The following NLGN1 variants were observed in gnomAD, a reference collection of about 807,000 sequenced individuals.
The protein encoded by NLGN1 is neuroligin-1.
Under a neutral mutation model 65.5 loss-of-function variants are expected in NLGN1, and 12 were observed. That is an observed-to-expected ratio of 0.18 (90% CI 0.12 to 0.30). The LOEUF (loss-of-function observed/expected upper bound fraction) is 0.30, where lower values mean the gene tolerates loss of function less well. Ranked by LOEUF, NLGN1 falls within the 10% of genes least tolerant of loss-of-function variation. The probability of loss-of-function intolerance (pLI) is 1.00; values close to 1 mark genes in which losing one functional copy is unlikely to be tolerated. For missense variants in NLGN1, 750 were observed against 1,007.1 expected (o/e 0.74, Z 3.46); for synonymous variants, 350 against 359.5 (o/e 0.97, Z 0.30).
chr3:174,209,414 A>T (rs1736025153), intron 4 of NLGN1, among the ~76,000 whole-genome samples: 1 of 152,118 alleles, frequency 6.6e-6, no homozygotes, highest in African/African-American at 2.4e-5. Flanking sequence ...TCGTTAGCAT[A>T]AAAATAATAT....
chr3:173,994,198 C>T (rs184633806), intron 4 of NLGN1, among the ~76,000 whole-genome samples: 14 of 152,172 alleles, frequency 9.2e-5, no homozygotes, highest in Non-Finnish European at 1.8e-4. Context: ...GCCTTGACCT[C>T]CCAGGCTCAA....
intron 4 of NLGN1, among the ~76,000 whole-genome samples, chr3:174,230,417 A>C (rs1324809002): frequency 6.6e-6 from 1 of 152,216 alleles, no homozygotes; most frequent in East Asian, 1.9e-4. Context: ...AGAGTAATAC[A>C]ATGGTATGTA....
At chr3:173,766,168 A>T (rs1778761452) in intron 3 of NLGN1, among the ~76,000 whole-genome samples, 1 of 150,138 alleles carries the variant, frequency 6.7e-6, no homozygotes, top group African/African-American at 2.5e-5. Context: ...GGCTCACTGC[A>T]ACCTCTGCCT....
intron 1 of NLGN1, among the ~76,000 whole-genome samples, chr3:173,402,783 G>A (rs975091164): frequency 5.3e-5 from 8 of 152,212 alleles, no homozygotes; most frequent in South Asian, 2.1e-4. Context: ...TTCCCTTTAT[G>A]CCTGAATGAC....
chr3:173,695,710 A>T (rs968149330), intron 3 of NLGN1: 1 of 182,962 alleles, frequency 5.5e-6, no homozygotes, highest in Non-Finnish European at 1.2e-5. Context: ...CATATCCACA[A>T]GCATAACTCA....
chr3:174,125,029 G>C (rs116869400), intron 4 of NLGN1, among the ~76,000 whole-genome samples: 1 of 151,984 alleles, frequency 6.6e-6, no homozygotes, highest in Admixed American at 6.6e-5. Context: ...AGAGTGCATG[G>C]AGAATGGCAT....
At chr3:173,418,226 A>G (rs902292428) in intron 1 of NLGN1, among the ~76,000 whole-genome samples, 3 of 151,604 alleles carry the variant, frequency 2.0e-5, no homozygotes, top group African/African-American at 4.8e-5. Context: ...ATTTTAAGAT[A>G]TAATTAGTAT....
the NLGN1 span, among the ~76,000 whole-genome samples, chr3:174,292,123 A>C: frequency 6.6e-6 from 1 of 151,274 alleles, no homozygotes; most frequent in Non-Finnish European, 1.5e-5. Flanking sequence ...TCTGAATCAG[A>C]GTAGAAGAGG....
At chr3:173,485,831 C>T (rs1278560285) in intron 2 of NLGN1, among the ~76,000 whole-genome samples, 2 of 151,990 alleles carry the variant, frequency 1.3e-5, no homozygotes, top group Admixed American at 1.3e-4. Context: ...CTGAAAATAA[C>T]AATATTTAGT....
At chr3:173,562,678 A>T (rs1007882926) in intron 2 of NLGN1, among the ~76,000 whole-genome samples, 2 of 152,168 alleles carry the variant, frequency 1.3e-5, no homozygotes, top group African/African-American at 4.8e-5. Context: ...TGATAATTCC[A>T]TAGTCTTCTT....
intron 2 of NLGN1, among the ~76,000 whole-genome samples, chr3:173,458,092 G>A (rs910250291): frequency 6.6e-6 from 1 of 151,968 alleles, no homozygotes; most frequent in Non-Finnish European, 1.5e-5. Context: ...TAAAACTATG[G>A]AAAGTAGAAG....
intron 4 of NLGN1, among the ~76,000 whole-genome samples, chr3:174,076,843 T>A (rs73880332): frequency 0.019 from 2,957 of 152,018 alleles, 92 homozygotes; most frequent in African/African-American, 0.067. Flanking sequence ...AGGAAATGGC[T>A]AATGAATTCT....
chr3:173,587,086 T>C (rs1227449664), intron 2 of NLGN1, among the ~76,000 whole-genome samples: 1 of 152,198 alleles, frequency 6.6e-6, no homozygotes, highest in African/African-American at 2.4e-5. Flanking sequence ...AAGAAGGTCC[T>C]TTTAAAATTG....
chr3:173,834,110 A>G (rs142268869), intron 4 of NLGN1, among the ~76,000 whole-genome samples: 172 of 152,320 alleles, frequency 1.1e-3, no homozygotes, highest in African/African-American at 3.8e-3. Flanking sequence ...TGGTAGGCCC[A>G]ATGTCATTCA....
At chr3:173,943,443 G>A (rs550258973) in intron 4 of NLGN1, among the ~76,000 whole-genome samples, 6 of 152,266 alleles carry the variant, frequency 3.9e-5, no homozygotes, top group Admixed American at 3.3e-4. Flanking sequence ...AAACAAGTGA[G>A]TTCAGGAAAG....
intron 2 of NLGN1, among the ~76,000 whole-genome samples, chr3:173,521,013 A>T (rs187609111): frequency 6.6e-6 from 1 of 152,182 alleles, no homozygotes; most frequent in East Asian, 1.9e-4. Flanking sequence ...CAAGAGTCTA[A>T]GGAGTTTGTA....
At chr3:173,886,867 T>A (rs1734432138) in intron 4 of NLGN1, among the ~76,000 whole-genome samples, 1 of 152,020 alleles carries the variant, frequency 6.6e-6, no homozygotes, top group South Asian at 2.1e-4. Context: ...ACTCCATATC[T>A]TGATTTCCCT....
chr3:173,539,364 C>T (rs1024669335), intron 2 of NLGN1, among the ~76,000 whole-genome samples: 1 of 147,460 alleles, frequency 6.8e-6, no homozygotes, highest in Non-Finnish European at 1.5e-5. Flanking sequence ...GTTTGGGCTC[C>T]ATCATATATA....
At chr3:173,409,829 G>C (rs1383005091) in intron 1 of NLGN1, among the ~76,000 whole-genome samples, 1 of 152,176 alleles carries the variant, frequency 6.6e-6, no homozygotes, top group African/African-American at 2.4e-5. Flanking sequence ...GATGGGGAAG[G>C]CCAGGAAGAT....
Sources: gnomAD v4.1 joint callset for allele counts (sites outside exome capture counted in the v4.1 genomes callset) on GRCh38, gnomAD v4.1.1 for gene constraint, MANE v1.5 for transcripts, NCBI Gene and HGNC (gene_info 2026-07-23, HGNC 2026-07-21) for gene names.